The following PTPRD variants were observed in gnomAD, a reference collection of about 807,000 sequenced individuals.
PTPRD encodes receptor-type tyrosine-protein phosphatase delta.
Under a neutral mutation model 214.5 loss-of-function variants are expected in PTPRD, and 34 were observed. The observed-to-expected ratio is 0.16, with a 90% CI of 0.12 to 0.21. The LOEUF (loss-of-function observed/expected upper bound fraction) is 0.21. Among genes scored for constraint, PTPRD ranks in the 10% least tolerant of loss-of-function variants. The probability of loss-of-function intolerance (pLI) is 1.00; values close to 1 mark genes in which losing one functional copy is unlikely to be tolerated. For synonymous variants in PTPRD, 1,128 were observed against 845.7 expected (o/e 1.33, Z -5.79); for missense variants, 2,545 against 2,398.7 (o/e 1.06, Z -1.27).
rs145032814 is a variant in PTPRD, at chr9:9,974,716, A to G, written c.-471-36106T>C. ...CATATTTTATTCCTTCTTCTACCCT[A>G]CCTAGACTGTGAGCTCTTTGAGGAT... On this transcript the variant is annotated intron_variant, in intron 4 of 45. Transcript: ENST00000381196. 9.0e-3 allele frequency among the ~76,000 whole-genome samples: 1,366 copies of G among 152,242 alleles called. 16 individuals are homozygous for G. The highest frequency in any genetic ancestry group is 0.014 in the Non-Finnish European group (929 of 68,026).
chr9:8,865,619 A>G (rs1021709018), intron 11 of PTPRD, among the ~76,000 whole-genome samples: 4 of 151,934 alleles, frequency 2.6e-5, no homozygotes, highest in African/African-American at 9.7e-5. Flanking sequence ...TCACCCTATT[A>G]AATTGTGAGC....
chr9:8,325,660 TA>T, intron 44 of PTPRD, among the ~76,000 whole-genome samples: 1 of 151,802 alleles, frequency 6.6e-6, no homozygotes, highest in Non-Finnish European at 1.5e-5. Context: ...ATTGAATCTA[TA>T]AATTACCTTG....
At chr9:8,912,821 TA>T in intron 11 of PTPRD, among the ~76,000 whole-genome samples, 1 of 152,264 alleles carries the variant, frequency 6.6e-6, no homozygotes, top group Admixed American at 6.5e-5. Flanking sequence ...AGAACCCTGG[TA>T]AAGTTGCCAC....
chr9:9,646,459 C>T (rs551139160), intron 7 of PTPRD, among the ~76,000 whole-genome samples: 2 of 151,942 alleles, frequency 1.3e-5, no homozygotes, highest in East Asian at 1.9e-4. Flanking sequence ...AGGAAATCTG[C>T]CTGTTTCCTC....
intron 14 of PTPRD, among the ~76,000 whole-genome samples, chr9:8,552,552 T>G (rs778319964): frequency 3.3e-5 from 5 of 152,032 alleles, no homozygotes; most frequent in Admixed American, 2.6e-4. Flanking sequence ...TCTCGCAGCT[T>G]CAGGAGAAGA....
At chr9:10,449,854 A>G (rs187213368) in intron 2 of PTPRD, among the ~76,000 whole-genome samples, 3,345 of 151,860 alleles carry the variant, frequency 0.022, 188 homozygotes, top group African/African-American at 0.076. Flanking sequence ...GTGTCTGTAT[A>G]GAAAGAAGTA....
chr9:9,364,400 G>A (rs1010905537), intron 9 of PTPRD, among the ~76,000 whole-genome samples: 5 of 151,478 alleles, frequency 3.3e-5, no homozygotes, highest in Non-Finnish European at 3.0e-5. Context: ...AGATATTGGT[G>A]AGTGTTGGAG....
At chr9:10,328,081 AC>A (rs144848144) in intron 3 of PTPRD, among the ~76,000 whole-genome samples, 4,532 of 151,860 alleles carry the variant, frequency 0.03, 229 homozygotes, top group African/African-American at 0.1. Context: ...ACAACACTAA[AC>A]AAACAAAAAA....
intron 11 of PTPRD, among the ~76,000 whole-genome samples, chr9:8,924,915 T>TGG (rs2098859766): frequency 6.6e-6 from 1 of 152,164 alleles, no homozygotes; most frequent in Non-Finnish European, 1.5e-5. Flanking sequence ...GAAGCCATCA[T>TGG]TTACAACATG....
At chr9:9,810,706 T>C (rs1464253755) in intron 5 of PTPRD, among the ~76,000 whole-genome samples, 1 of 152,116 alleles carries the variant, frequency 6.6e-6, no homozygotes, top group Non-Finnish European at 1.5e-5. Flanking sequence ...AGGATATCAA[T>C]GTTTTTATGC....
intron 3 of PTPRD, among the ~76,000 whole-genome samples, chr9:10,040,296 C>A (rs2097271980): frequency 6.6e-6 from 1 of 152,014 alleles, no homozygotes; most frequent in Admixed American, 6.6e-5. Flanking sequence ...TTTATGCATG[C>A]TGGATGTAGC....
intron 10 of PTPRD, among the ~76,000 whole-genome samples, chr9:9,156,574 AAG>A (rs1405226247): frequency 6.6e-6 from 1 of 152,140 alleles, no homozygotes; most frequent in African/African-American, 2.4e-5. Context: ...TAGGAATACC[AAG>A]AGATTATGTA....
chr9:8,655,108 A>G (rs181529168), intron 12 of PTPRD, among the ~76,000 whole-genome samples: 1 of 152,350 alleles, frequency 6.6e-6, no homozygotes, highest in Non-Finnish European at 1.5e-5. Context: ...AGTTAAAAAA[A>G]TAGGAAAGAT....
intron 3 of PTPRD, among the ~76,000 whole-genome samples, chr9:10,108,614 G>C (rs748426046): frequency 2.6e-5 from 4 of 151,742 alleles, no homozygotes; most frequent in Admixed American, 2.0e-4. Context: ...CTACTGCTGG[G>C]TATTTATCCA....
intron 5 of PTPRD, among the ~76,000 whole-genome samples, chr9:9,919,282 C>T (rs1041439335): frequency 2.6e-5 from 4 of 152,042 alleles, no homozygotes; most frequent in Non-Finnish European, 4.4e-5. Context: ...CTCCAGTCAT[C>T]TCTCTGAGTC....
intron 9 of PTPRD, among the ~76,000 whole-genome samples, chr9:9,339,761 T>C (rs2046047292): frequency 1.3e-5 from 2 of 152,150 alleles, no homozygotes; most frequent in South Asian, 4.1e-4. Context: ...CTTATTACCC[T>C]AAATGATTGC....
chr9:9,434,096 T>A (rs2084250687), intron 8 of PTPRD, among the ~76,000 whole-genome samples: 1 of 152,178 alleles, frequency 6.6e-6, no homozygotes, highest in Non-Finnish European at 1.5e-5. Flanking sequence ...AAAACCACAC[T>A]TTCTGGAATG....
At chr9:10,366,196 A>G (rs573169754) in intron 2 of PTPRD, among the ~76,000 whole-genome samples, 1 of 152,280 alleles carries the variant, frequency 6.6e-6, no homozygotes, top group South Asian at 2.1e-4. Context: ...ATGCTTCCCT[A>G]TGCCATCTGT....
At chr9:10,189,079 C>G (rs2099350969) in intron 3 of PTPRD, among the ~76,000 whole-genome samples, 1 of 152,082 alleles carries the variant, frequency 6.6e-6, no homozygotes, top group Non-Finnish European at 1.5e-5. Context: ...CCTGTCCAGG[C>G]AGCACATCTG....
Sources: allele counts gnomAD v4.1 joint callset (sites outside exome capture counted in the v4.1 genomes callset), GRCh38; gene constraint gnomAD v4.1.1; transcripts MANE v1.5; gene names NCBI Gene and HGNC (gene_info 2026-07-23, HGNC 2026-07-21).